Variants in PSD3 observed in about 807,000 individuals in gnomAD.
PSD3 encodes the protein PH and SEC7 domain-containing protein 3.
PSD3 carries 49 observed loss-of-function variants against 105.5 expected under a neutral mutation model. That is an observed-to-expected ratio of 0.46 (90% CI 0.37 to 0.59). PSD3 has a LOEUF of 0.59. Ranked by LOEUF, PSD3 falls within the 20% of genes least tolerant of loss-of-function variation. The pLI is 0.00. For missense variants in PSD3, 1,561 were observed against 1,263.8 expected (o/e 1.24, Z -3.57); for synonymous variants, 557 against 457.8 (o/e 1.22, Z -2.77).
chr8:19,055,320 C>T (rs577142575), intron 1 of PSD3, among the ~76,000 whole-genome samples: 2 of 152,264 alleles, frequency 1.3e-5, no homozygotes, highest in African/African-American at 2.4e-5. Context: ...ATGGCAGAGT[C>T]TCGGCTCACT....
chr8:18,986,214 C>T (rs1344179418), intron 1 of PSD3, among the ~76,000 whole-genome samples: 17 of 152,080 alleles, frequency 1.1e-4, no homozygotes, highest in Admixed American at 1.1e-3. Context: ...CCTGGAGAAA[C>T]TGCATTAATG....
chr8:18,828,777 A>G (rs142617952), intron 4 of PSD3, among the ~76,000 whole-genome samples: 5,720 of 152,206 alleles, frequency 0.038, 119 homozygotes, highest in Admixed American at 0.068. Flanking sequence ...CCTGGCCAAC[A>G]TGGCAAAACC....
At chr8:18,917,568 T>C (rs1586419914) in intron 2 of PSD3, among the ~76,000 whole-genome samples, 3 of 152,330 alleles carry the variant, frequency 2.0e-5, no homozygotes. Flanking sequence ...ATAACATAAT[T>C]AGTTTTGTTA....
At chr8:18,756,855 G>A (rs1242394613) in intron 9 of PSD3, among the ~76,000 whole-genome samples, 2 of 148,860 alleles carry the variant, frequency 1.3e-5, no homozygotes, top group Non-Finnish European at 3.0e-5. Context: ...ACCCGGAGGC[G>A]CCACCACTAG....
chr8:18,941,334 AG>A (rs1822524570), intron 1 of PSD3, among the ~76,000 whole-genome samples: 1 of 152,200 alleles, frequency 6.6e-6, no homozygotes, highest in Admixed American at 6.5e-5. Context: ...ATTGATAAAA[AG>A]TGTTACTCAA....
chr8:18,611,540 T>C (rs1160416347), intron 11 of PSD3, among the ~76,000 whole-genome samples: 2 of 152,188 alleles, frequency 1.3e-5, no homozygotes, highest in East Asian at 1.9e-4. Flanking sequence ...TCTTCCTGTA[T>C]AAAACAGTTT....
intron 9 of PSD3, among the ~76,000 whole-genome samples, chr8:18,705,334 C>G (rs977445879): frequency 1.3e-5 from 2 of 151,926 alleles, no homozygotes; most frequent in African/African-American, 4.8e-5. Context: ...TCGAGATCAG[C>G]CAGGGCAACA....
chr8:18,557,448 C>T (rs555250032), intron 14 of PSD3: 3 of 153,852 alleles, frequency 1.9e-5, no homozygotes, highest in South Asian at 4.1e-4. Flanking sequence ...AAATTATGAG[C>T]GTCACATATA....
chr8:19,038,767 T>C (rs574506423), intron 1 of PSD3, among the ~76,000 whole-genome samples: 6 of 152,350 alleles, frequency 3.9e-5, no homozygotes, highest in African/African-American at 1.4e-4. Flanking sequence ...CCCACACTTC[T>C]GTCAAGAGAA....
intron 12 of PSD3, among the ~76,000 whole-genome samples, chr8:18,596,688 T>C (rs996705476): frequency 2.6e-5 from 4 of 152,038 alleles, no homozygotes; most frequent in African/African-American, 9.7e-5. Context: ...TAAGAAACTG[T>C]TATGAACAAT....
At chr8:18,604,200 T>C (rs529731445) in intron 11 of PSD3, among the ~76,000 whole-genome samples, 7 of 152,256 alleles carry the variant, frequency 4.6e-5, no homozygotes, top group African/African-American at 1.4e-4. Context: ...ATGCTGGCAG[T>C]GATATGGACA....
At chr8:18,613,985 C>A (rs1805467190) in intron 11 of PSD3, among the ~76,000 whole-genome samples, 1 of 152,060 alleles carries the variant, frequency 6.6e-6, no homozygotes, top group Admixed American at 6.6e-5. Flanking sequence ...TTTGAAAAAC[C>A]CTCACTTGGT....
chr8:18,696,276 AG>A (rs1323221530), intron 9 of PSD3, among the ~76,000 whole-genome samples: 1 of 152,216 alleles, frequency 6.6e-6, no homozygotes, highest in Admixed American at 6.5e-5. Flanking sequence ...TCTGTTCCCC[AG>A]GGAATTTCAT....
chr8:18,884,204 TAA>T (rs11303385), intron 2 of PSD3, among the ~76,000 whole-genome samples: 2 of 150,302 alleles, frequency 1.3e-5, no homozygotes, highest in South Asian at 2.1e-4. Context: ...CTTGCAGAGT[TAA>T]AAAAAAAATC....
intron 1 of PSD3, among the ~76,000 whole-genome samples, chr8:19,030,035 G>C (rs904442569): frequency 2.0e-5 from 3 of 152,170 alleles, no homozygotes; most frequent in Non-Finnish European, 4.4e-5. Context: ...GATAAGAACA[G>C]ACATCCTTGC....
At chr8:18,884,487 T>C (rs1259955374) in intron 2 of PSD3, among the ~76,000 whole-genome samples, 3 of 152,196 alleles carry the variant, frequency 2.0e-5, no homozygotes, top group African/African-American at 7.2e-5. Context: ...ATACATTATA[T>C]TTTAAGACAC....
intron 1 of PSD3, among the ~76,000 whole-genome samples, chr8:18,940,813 G>A (rs966271146): frequency 1.3e-5 from 2 of 152,124 alleles, no homozygotes; most frequent in African/African-American, 4.8e-5. Flanking sequence ...ATAATGGCAT[G>A]GAGATCTATC....
intron 8 of PSD3, among the ~76,000 whole-genome samples, chr8:18,783,331 A>T (rs962150531): frequency 4.6e-5 from 7 of 152,192 alleles, no homozygotes; most frequent in Admixed American, 2.6e-4. Context: ...TACTGATTTT[A>T]GTAATTTGAG....
At position 18,814,912 on chromosome 8, in the gene PSD3, C is replaced by T. The variant is rs537017647; in HGVS notation, c.1635-10014G>A. 5.4e-4 allele frequency among the ~76,000 whole-genome samples: 82 copies of T among 152,230 alleles called. 1 individual carries two copies. The highest frequency in any genetic ancestry group is 5.9e-4 in the Non-Finnish European group (40 of 68,024). On this transcript the variant is annotated intron_variant, in intron 4 of 15. Coordinates refer to ENST00000327040, the MANE Select transcript of PSD3 (RefSeq NM_015310.4). ...AGAAGCTGGGCAGCAAAAGGCGGCA[C>T]AAAGCACAAAGTAGACATGCCTTAT...
Sources: gnomAD v4.1 joint callset for allele counts (sites outside exome capture counted in the v4.1 genomes callset) on GRCh38, gnomAD v4.1.1 for gene constraint, MANE v1.5 for transcripts, NCBI Gene and HGNC (gene_info 2026-07-23, HGNC 2026-07-21) for gene names.